Variants in SIK2 observed in about 807,000 individuals in gnomAD.
SIK2 encodes serine/threonine-protein kinase SIK2.
A neutral mutation model predicts 103.2 loss-of-function variants in SIK2; 29 were observed. The ratio of observed to expected loss-of-function variants is 0.28; its 90% CI spans 0.21 to 0.38. The LOEUF is 0.38. Among genes scored for constraint, SIK2 ranks in the 10% least tolerant of loss-of-function variants. The pLI is 1.00. For missense variants in SIK2, 879 were observed against 1,171.0 expected (o/e 0.75, Z 3.64); for synonymous variants, 412 against 446.1 (o/e 0.92, Z 0.96).
chr11:111,701,661 A>G lies in SIK2; in HGVS notation c.727+86A>G. 1.3e-6 allele frequency: 2 copies of G among 1,505,866 alleles called. No individual in the cohort carries two copies. The highest frequency in any genetic ancestry group is 1.8e-6 in the Non-Finnish European group (2 of 1,118,474). The allele number at this position is 1,505,866 out of a possible 1,614,324, so 93.3% of individuals were successfully genotyped here. A position where few individuals can be genotyped will look rare whatever the true frequency, so the allele number is the denominator to read the frequency against. ...CTAGGTAAAAGCTTCTTTTTTTCTA[A>G]GAGTTTGGGTGCCAAATAAAGTGAC... On this transcript the variant is annotated intron_variant, in intron 6 of 14. Transcript: ENST00000304987. The surrounding 1 kb of genome is among the most constrained non-coding windows in gnomAD (Gnocchi z 4.2).
chr11:111,643,918 G>A (rs1176051022), intron 3 of SIK2, among the ~76,000 whole-genome samples: 2 of 152,070 alleles, frequency 1.3e-5, no homozygotes, highest in Non-Finnish European at 2.9e-5. Context: ...AGGAGGTCGA[G>A]GCTACAGTGA....
intron 3 of SIK2, among the ~76,000 whole-genome samples, chr11:111,675,396 CA>C (rs1942690048): frequency 6.6e-6 from 1 of 152,224 alleles, no homozygotes; most frequent in South Asian, 2.1e-4. Flanking sequence ...TAATGTACTA[CA>C]GCAGTATTTC....
chr11:111,611,086 A>ATGTG (rs113893092), intron 1 of SIK2, among the ~76,000 whole-genome samples: 5,426 of 89,638 alleles, frequency 0.061, 142 homozygotes, highest in Middle Eastern at 0.098. Context: ...TCTCGACCAA[A>ATGTG]TGTGTGTGTG....
chr11:111,630,504 A>G (rs1942023480), intron 3 of SIK2, among the ~76,000 whole-genome samples: 1 of 152,226 alleles, frequency 6.6e-6, no homozygotes, highest in African/African-American at 2.4e-5. Flanking sequence ...TCTCAAAAAA[A>G]AAAGGAGAGT....
chr11:111,673,817 G>A (rs1942660788), intron 3 of SIK2, among the ~76,000 whole-genome samples: 1 of 152,166 alleles, frequency 6.6e-6, no homozygotes, highest in Non-Finnish European at 1.5e-5. Context: ...GTTCACACCT[G>A]TAATCCTAGC....
intron 4 of SIK2, among the ~76,000 whole-genome samples, chr11:111,693,331 CAAAAAAAA>C: frequency 1.1e-5 from 1 of 93,658 alleles, no homozygotes; most frequent in African/African-American, 4.0e-5. Context: ...GACTCCGTCT[CAAAAAAAA>C]AAAAAAAACT....
At position 111,726,479 on chromosome 11, in the gene SIK2, A is replaced by ACC. The variant is rs1176512405; in HGVS notation, c.*2353_*2354dup. 6.4e-6 allele frequency: 1 copy of ACC among 156,716 alleles called. No homozygotes were observed. The highest frequency in any genetic ancestry group is 2.4e-5 in the African/African-American group (1 of 41,544). 9.7% of individuals were successfully genotyped at this position (156,716 alleles called of 1,614,324 possible). The stretch of plus-strand genomic sequence containing the variant: ...GGACACCGGCCTGATGCAGAGCGTG[A>ACC]CCCCTCCTGCTGGGACCTGTGTTGT... On this transcript the variant is annotated 3_prime_UTR_variant, in exon 15 of 15. Coordinates refer to ENST00000304987, the MANE Select transcript of SIK2 (RefSeq NM_015191.3).
intron 3 of SIK2, among the ~76,000 whole-genome samples, chr11:111,621,706 G>A (rs1941888652): frequency 6.6e-6 from 1 of 152,048 alleles, no homozygotes; most frequent in Non-Finnish European, 1.5e-5. Flanking sequence ...CCTGAGGTCA[G>A]GAGTTCAAGA....
In SIK2 at chr11:111,701,048, T is replaced by C; in HGVS notation, c.603+38T>C. 2.5e-6 allele frequency: 4 copies of C among 1,591,414 alleles called. No homozygotes were observed. The highest frequency in any genetic ancestry group is 3.4e-6 in the Non-Finnish European group (4 of 1,165,298). The stretch of plus-strand genomic sequence containing the variant: ...TTTGCTGTGTTGTTAAATGCATCTA[T>C]ACTGATAATACTTGGTGTTCTGGCC... On this transcript the variant is annotated intron_variant, in intron 5 of 14. Coordinates refer to ENST00000304987, the MANE Select transcript of SIK2 (RefSeq NM_015191.3). The surrounding 1 kb of genome is among the most constrained non-coding windows in gnomAD (Gnocchi z 4.2).
rs372467311 is a variant in SIK2 at position 111,721,843 on chromosome 11, A to C, written c.1958A>C (p.Gln653Pro). Reference sequence around the variant, plus strand: ...CTTGCTCCTCAGGAAGAAGTTTCTCAGCAGCAGGAAAGCGTCTCCACTCTC... The same window carrying C: ...CTTGCTCCTCAGGAAGAAGTTTCTCCGCAGCAGGAAAGCGTCTCCACTCTC... Reference protein sequence around the residue: ...ASSCPQEEVSQQQESVSTLPA... With the variant: ...ASSCPQEEVSPQQESVSTLPA... The change falls in exon 13 of 15, where the codon CAG becomes CCG. Residue 653 changes from glutamine (Q) to proline (P), a missense_variant. Around this residue, in one of 7 missense-constraint regions of SIK2, gnomAD observed 375 missense variants for 416.3 expected, o/e 0.90. Transcript: ENST00000304987. The C allele has an allele frequency of 3.7e-6, 6 of 1,608,072 alleles. No individual in the cohort carries two copies. In the African/African-American group the frequency reaches 8.0e-5, roughly 22 times the overall value.
Position 111,688,947 on chromosome 11 carries a change from T to C in SIK2, c.478+785T>C, listed in dbSNP as rs986774191. On this transcript the variant is annotated intron_variant, in intron 4 of 14. Coordinates refer to ENST00000304987, the MANE Select transcript of SIK2 (RefSeq NM_015191.3). The surrounding 1 kb of genome is among the most constrained non-coding windows in gnomAD (Gnocchi z 4.2). ...TGATAGTTGCAATTTTAAAAGTATATACAAACTGCATGGGAGTATAGGTGA... is the reference window on the plus strand; with the variant it reads ...TGATAGTTGCAATTTTAAAAGTATACACAAACTGCATGGGAGTATAGGTGA... 1.3e-5 allele frequency among the ~76,000 whole-genome samples: 2 copies of C among 152,168 alleles called. No individual in the cohort carries two copies. The highest frequency in any genetic ancestry group is 4.8e-5 in the African/African-American group (2 of 41,442).
chr11:111,620,254 A>C, intron 2 of SIK2, 85 bp from the exon 3 acceptor site: 1 of 827,658 alleles, frequency 1.2e-6, no homozygotes, highest in Middle Eastern at 2.4e-4. Context: ...TTTTATTAGT[A>C]GTTTCAATTT....
intron 3 of SIK2, among the ~76,000 whole-genome samples, chr11:111,676,908 G>A (rs1455768373): frequency 2.6e-5 from 4 of 152,172 alleles, no homozygotes; most frequent in African/African-American, 7.2e-5. Context: ...TGTGTTAGAA[G>A]TGTAACCAGA....
At chr11:111,680,440 A>C (rs1942762665) in intron 3 of SIK2, among the ~76,000 whole-genome samples, 1 of 152,182 alleles carries the variant, frequency 6.6e-6, no homozygotes, top group Non-Finnish European at 1.5e-5. Flanking sequence ...TTAAGCATAA[A>C]ATATTAAATT....
At chr11:111,607,590 G>T (rs559213880) in intron 1 of SIK2, among the ~76,000 whole-genome samples, 1 of 152,186 alleles carries the variant, frequency 6.6e-6, no homozygotes, top group South Asian at 2.1e-4. Context: ...GCAACAGAAG[G>T]ACTTGTTACC....
Position 111,721,293 on chromosome 11 carries a change from C to G in SIK2, c.1944+231C>G, listed in dbSNP as rs941200870. Among the ~76,000 whole-genome samples, 5 of 152,182 alleles carry G rather than the reference C, an allele frequency of 3.3e-5. 1 individual carries two copies. Among genetic ancestry groups the G allele is most frequent in the Admixed American group, 2.6e-4 (4 of 15,278 alleles). On this transcript the variant is annotated intron_variant, in intron 12 of 14. Coordinates refer to ENST00000304987, the MANE Select transcript of SIK2 (RefSeq NM_015191.3). Reference sequence around the variant, plus strand: ...AGATGGAGGCCTGGACACTCTCAAGCTGTTTTTGGCTCACAGGGCAGAGTA... The same window carrying G: ...AGATGGAGGCCTGGACACTCTCAAGGTGTTTTTGGCTCACAGGGCAGAGTA...
chr11:111,647,101 T>A (rs1177917106), intron 3 of SIK2, among the ~76,000 whole-genome samples: 1 of 152,206 alleles, frequency 6.6e-6, no homozygotes, highest in African/African-American at 2.4e-5. Context: ...ATAAATACAT[T>A]CCTATAAAAT....
rs747544342 is a variant in SIK2 at position 111,674,000 on chromosome 11, C to T, written c.317-14001C>T. 1.8e-4 allele frequency among the ~76,000 whole-genome samples: 27 copies of T among 150,288 alleles called. 1 individual carries two copies. Among genetic ancestry groups the T allele is most frequent in the South Asian group, 1.0e-3 (5 of 4,776 alleles). On this transcript the variant is annotated intron_variant, in intron 3 of 14. Coordinates refer to ENST00000304987, the MANE Select transcript of SIK2 (RefSeq NM_015191.3). ...GAGGCAGGAGAATCACTTGAACCCG[C>T]GAGACGGAGGTTGCAGTGAGCTGAG...
At chr11:111,635,818 T>C (rs1373968466) in intron 3 of SIK2, among the ~76,000 whole-genome samples, 1 of 152,208 alleles carries the variant, frequency 6.6e-6, no homozygotes, top group African/African-American at 2.4e-5. Context: ...AAGCTGACAT[T>C]CTGTACTGTG....
Sources: allele counts gnomAD v4.1 joint callset (sites outside exome capture counted in the v4.1 genomes callset), GRCh38; gene constraint gnomAD v4.1.1; regional missense constraint gnomAD v4.1.1; non-coding constraint Gnocchi (gnomAD v3.1); transcripts MANE v1.5; gene names NCBI Gene and HGNC (gene_info 2026-07-23, HGNC 2026-07-21).